The following CADM2 variants were observed in gnomAD, a reference collection of about 807,000 sequenced individuals.
CADM2 encodes the protein immunoglobulin superfamily member 4D.
CADM2 carries 12 observed loss-of-function variants against 49.8 expected under a neutral mutation model. The observed-to-expected ratio is 0.24, with a 90% confidence interval of 0.15 to 0.39. The LOEUF (loss-of-function observed/expected upper bound fraction) is 0.39. Among genes scored for constraint, CADM2 ranks in the 10% least tolerant of loss-of-function variants. The probability of loss-of-function intolerance (pLI) is 1.00; values close to 1 mark genes in which losing one functional copy is unlikely to be tolerated. For missense variants in CADM2, 378 were observed against 492.3 expected (o/e 0.77, Z 2.20); for synonymous variants, 214 against 175.4 (o/e 1.22, Z -1.74).
At chr3:85,175,699 A>G (rs1416703504) in intron 1 of CADM2, among the ~76,000 whole-genome samples, 1 of 152,098 alleles carries the variant, frequency 6.6e-6, no homozygotes, top group Admixed American at 6.6e-5. Context: ...TTTAATGTCC[A>G]CAGTGCTACA....
At chr3:85,599,314 G>T (rs1290872540) in intron 1 of CADM2, among the ~76,000 whole-genome samples, 1 of 151,950 alleles carries the variant, frequency 6.6e-6, no homozygotes, top group African/African-American at 2.4e-5. Flanking sequence ...GTCTTTTAAG[G>T]ACTGAATTAT....
At chr3:85,198,651 T>C (rs2107739892) in intron 1 of CADM2, among the ~76,000 whole-genome samples, 1 of 152,036 alleles carries the variant, frequency 6.6e-6, no homozygotes, top group Non-Finnish European at 1.5e-5. Context: ...TGGTATACAT[T>C]TTAATTTTAA....
intron 8 of CADM2, among the ~76,000 whole-genome samples, chr3:86,052,255 G>T (rs1026918780): frequency 3.3e-5 from 5 of 152,244 alleles, no homozygotes; most frequent in Non-Finnish European, 5.9e-5. Context: ...AATTGTATTT[G>T]TATTCCTTAA....
At chr3:85,167,096 CT>C (rs2040490331) in intron 1 of CADM2, among the ~76,000 whole-genome samples, 1 of 151,916 alleles carries the variant, frequency 6.6e-6, no homozygotes, top group African/African-American at 2.4e-5. Context: ...ATATTTGGGA[CT>C]GTGAATTAAC....
At chr3:85,945,650 G>A (rs1722582927) in intron 7 of CADM2, among the ~76,000 whole-genome samples, 1 of 152,138 alleles carries the variant, frequency 6.6e-6, no homozygotes, top group Non-Finnish European at 1.5e-5. Context: ...ATGTAATCCA[G>A]CATATAAACA....
At chr3:85,252,991 TA>T (rs1042521724) in intron 1 of CADM2, among the ~76,000 whole-genome samples, 33 of 152,034 alleles carry the variant, frequency 2.2e-4, no homozygotes, top group African/African-American at 7.5e-4. Flanking sequence ...CCTAATACAA[TA>T]AAAAAAGTTT....
At position 85,583,126 on chromosome 3, in the gene CADM2, A is replaced by G. The variant is rs910116920; in HGVS notation, c.62-143396A>G. Among the ~76,000 whole-genome samples, 20 of 152,258 alleles carry G rather than the reference A, an allele frequency of 1.3e-4. No homozygotes were observed. In the South Asian group the frequency reaches 2.9e-3, roughly 22 times the overall value. The stretch of plus-strand genomic sequence containing the variant: ...AAGTTCAAATAGATTCCTGAACTTC[A>G]TGACAACTGGCAGTCTTTGAGTCCT... On this transcript the variant is annotated intron_variant, in intron 1 of 9. Coordinates refer to ENST00000383699, the MANE Select transcript of CADM2 (RefSeq NM_001167675.2).
intron 8 of CADM2, among the ~76,000 whole-genome samples, chr3:85,962,339 A>G (rs1724941497): frequency 6.6e-6 from 1 of 152,120 alleles, no homozygotes. Flanking sequence ...AACTTCTGTA[A>G]TTTGGTTTCA....
At chr3:85,724,704 C>T (rs2067625039) in intron 1 of CADM2, among the ~76,000 whole-genome samples, 1 of 151,666 alleles carries the variant, frequency 6.6e-6, no homozygotes. Context: ...TTTATAAGAA[C>T]TGCAAATTTT....
intron 1 of CADM2, among the ~76,000 whole-genome samples, chr3:85,645,806 A>AAG (rs71108301): frequency 0.52 from 79,306 of 151,572 alleles, 21,732 homozygotes; most frequent in East Asian, 0.62. Context: ...TCAGAAATAA[A>AAG]AGACAACAAA....
intron 1 of CADM2, among the ~76,000 whole-genome samples, chr3:85,172,432 T>C (rs2040652693): frequency 1.3e-5 from 2 of 152,222 alleles, no homozygotes; most frequent in South Asian, 4.1e-4. Flanking sequence ...AAAAGCATTA[T>C]AAAAATTATT....
chr3:85,819,296 T>G (rs1361848713), intron 3 of CADM2, among the ~76,000 whole-genome samples: 1 of 152,074 alleles, frequency 6.6e-6, no homozygotes, highest in South Asian at 2.1e-4. Context: ...GGTCTTCCTC[T>G]CCCAGTCCAC....
intron 8 of CADM2, among the ~76,000 whole-genome samples, chr3:86,000,898 A>G (rs1164627936): frequency 6.6e-6 from 1 of 152,122 alleles, no homozygotes; most frequent in Non-Finnish European, 1.5e-5. Context: ...GTTTTTTAAT[A>G]AAATAGAAAC....
intron 1 of CADM2, among the ~76,000 whole-genome samples, chr3:85,277,085 G>C (rs929425601): frequency 7.3e-5 from 11 of 151,364 alleles, no homozygotes; most frequent in African/African-American, 2.7e-4. Context: ...TTATTAGCCA[G>C]TGATAAAATA....
At chr3:85,363,841 G>C (rs1425552326) in intron 1 of CADM2, among the ~76,000 whole-genome samples, 2 of 151,650 alleles carry the variant, frequency 1.3e-5, no homozygotes, top group Non-Finnish European at 2.9e-5. Flanking sequence ...TCCATCTCCT[G>C]ACCTCGTGAT....
At position 85,339,130 on chromosome 3, in the gene CADM2, G is replaced by A. The variant is rs866499413; in HGVS notation, c.61+379462G>A. On this transcript the variant is annotated intron_variant, in intron 1 of 9. Transcript: ENST00000383699. ...TCTCTGAGCCTTGGTTCTTTGATTT[G>A]TAAAATAGTGATAATAAACCCATTT... Among the ~76,000 whole-genome samples, 21 of 151,538 alleles carry A rather than the reference G, an allele frequency of 1.4e-4. No individual in the cohort carries two copies. In the Middle Eastern group the frequency reaches 0.01, roughly 74 times the overall value.
chr3:85,143,379 G>A (rs899851176), intron 1 of CADM2, among the ~76,000 whole-genome samples: 2 of 152,070 alleles, frequency 1.3e-5, no homozygotes, highest in South Asian at 2.1e-4. Flanking sequence ...TCCCAACTAC[G>A]TGGGAGGTTG....
chr3:85,121,128 C>A (rs2038848702), intron 1 of CADM2, among the ~76,000 whole-genome samples: 1 of 152,254 alleles, frequency 6.6e-6, no homozygotes, highest in South Asian at 2.1e-4. Context: ...GGAAGGTGTT[C>A]TTTTGATGAG....
intron 1 of CADM2, among the ~76,000 whole-genome samples, chr3:85,557,813 C>T (rs1021450054): frequency 6.6e-6 from 1 of 151,978 alleles, no homozygotes; most frequent in African/African-American, 2.4e-5. Flanking sequence ...AGTTCTGATC[C>T]TGTGCCCTAT....
Sources: gnomAD v4.1 joint callset for allele counts (sites outside exome capture counted in the v4.1 genomes callset) on GRCh38, gnomAD v4.1.1 for gene constraint, MANE v1.5 for transcripts, NCBI Gene and HGNC (gene_info 2026-07-23, HGNC 2026-07-21) for gene names.